The following DISP1 variants were observed in gnomAD, a reference collection of about 807,000 sequenced individuals.
DISP1 encodes protein dispatched homolog 1.
A neutral mutation model predicts 37.3 loss-of-function variants in DISP1; 30 were observed. The ratio of observed to expected loss-of-function variants is 0.80; its 90% CI spans 0.60 to 1.09. The LOEUF (loss-of-function observed/expected upper bound fraction) is 1.09. Ranked by LOEUF, DISP1 falls within the 50% of genes least tolerant of loss-of-function variation. The pLI, the probability that DISP1 is intolerant of heterozygous loss-of-function variation, is 0.00. For missense variants in DISP1, 1,598 were observed against 1,879.5 expected (o/e 0.85, Z 2.77); for synonymous variants, 634 against 690.2 (o/e 0.92, Z 1.28).
chr1:222,947,883 T>C (rs1184706314), intron 3 of DISP1, among the ~76,000 whole-genome samples: 1 of 152,180 alleles, frequency 6.6e-6, no homozygotes, highest in Non-Finnish European at 1.5e-5. Context: ...CTATAAGGCT[T>C]GTTGCAGTAG....
intron 1 of DISP1, among the ~76,000 whole-genome samples, chr1:222,819,000 T>TCTCA (rs1662011180): frequency 6.6e-6 from 1 of 152,184 alleles, no homozygotes; most frequent in Non-Finnish European, 1.5e-5. Flanking sequence ...TCATGTCGAA[T>TCTCA]TGTAATTCTC....
rs145022767 is a variant in DISP1, at chr1:222,941,069, C to T, written c.-17-1738C>T. On this transcript the variant is annotated intron_variant, in intron 2 of 8. Coordinates refer to ENST00000675850, the MANE Select transcript of DISP1 (RefSeq NM_001377229.1). ...ACAACAAAAGGGAGGTTATATTCTT[C>T]AGTAAACTGAAGCATAAATGAGCAG... Among the ~76,000 whole-genome samples, 622 of 152,258 alleles carry T rather than the reference C, an allele frequency of 4.1e-3. 13 individuals carry two copies. Among genetic ancestry groups the T allele is most frequent in the South Asian group, 0.017 (82 of 4,810 alleles).
intron 1 of DISP1, among the ~76,000 whole-genome samples, chr1:222,869,441 G>C (rs971196850): frequency 2.0e-5 from 3 of 152,118 alleles, no homozygotes; most frequent in Non-Finnish European, 2.9e-5. Flanking sequence ...ATTTAGGTGT[G>C]TGTGTTATAG....
chr1:222,829,487 C>T (rs891794953), intron 1 of DISP1, among the ~76,000 whole-genome samples: 2 of 151,784 alleles, frequency 1.3e-5, no homozygotes, highest in Non-Finnish European at 2.9e-5. Context: ...CTCTGTTGCC[C>T]AGGCTGGAGT....
In DISP1 at chr1:222,938,770, A is replaced by G. The variant is rs990076863; in HGVS notation, c.-17-4037A>G. On this transcript the variant is annotated intron_variant, in intron 2 of 8. Transcript: ENST00000675850. ...AAAAAAAAAAAAAAAAAAGGAAGGA[A>G]GGAAGGAAGGAAGGACGGGATGAAG... Among the ~76,000 whole-genome samples, 533 of 143,120 alleles carry G rather than the reference A, an allele frequency of 3.7e-3. 6 individuals are homozygous for G. Among genetic ancestry groups the G allele is most frequent in the Non-Finnish European group, 4.4e-3 (292 of 65,672 alleles). 93.9% of individuals were successfully genotyped at this position (143,120 alleles called of 152,430 possible). A position where few individuals can be genotyped will look rare whatever the true frequency, so the allele number is the denominator to read the frequency against.
chr1:222,871,628 C>T (rs1448456915), intron 1 of DISP1, among the ~76,000 whole-genome samples: 1 of 152,200 alleles, frequency 6.6e-6, no homozygotes, highest in African/African-American at 2.4e-5. Context: ...GATTTTTGCA[C>T]ATTGATTTTG....
chr1:222,819,538 CTT>C (rs762729584), intron 1 of DISP1, among the ~76,000 whole-genome samples: 70 of 118,268 alleles, frequency 5.9e-4, no homozygotes, highest in Non-Finnish European at 8.9e-4. Context: ...ACACACATAT[CTT>C]TTTTTTTTTT....
chr1:222,825,499 C>CA (rs1664119888), intron 1 of DISP1, among the ~76,000 whole-genome samples: 1 of 131,820 alleles, frequency 7.6e-6, no homozygotes. Context: ...ACCTGTTTCT[C>CA]TTTTTTTTTT....
chr1:222,832,290 T>C (rs1017683950), intron 1 of DISP1, among the ~76,000 whole-genome samples: 4 of 152,140 alleles, frequency 2.6e-5, no homozygotes, highest in Admixed American at 2.0e-4. Flanking sequence ...TTACTACTTG[T>C]TGGCTTAATG....
chr1:222,874,496 C>T (rs927603101), intron 1 of DISP1, among the ~76,000 whole-genome samples: 10 of 152,100 alleles, frequency 6.6e-5, no homozygotes, highest in African/African-American at 7.2e-5. Context: ...CTTCACACTT[C>T]GTTTCATTCA....
chr1:222,883,312 A>G (rs532938215), intron 1 of DISP1, among the ~76,000 whole-genome samples: 103 of 152,304 alleles, frequency 6.8e-4, no homozygotes, highest in Non-Finnish European at 3.1e-4. Context: ...ATTTTTTTCA[A>G]TGTCCACATT....
chr1:222,826,019 AC>A, intron 1 of DISP1, among the ~76,000 whole-genome samples: 1 of 152,236 alleles, frequency 6.6e-6, no homozygotes, highest in Middle Eastern at 3.4e-3. Context: ...CTCCTGCCTT[AC>A]CCTTCCAAGT....
chr1:222,978,836 T>C (rs560506002), intron 3 of DISP1, among the ~76,000 whole-genome samples: 3 of 152,210 alleles, frequency 2.0e-5, no homozygotes, highest in African/African-American at 4.8e-5. Context: ...GTTGTAGATA[T>C]GTGGCATTAT....
chr1:222,989,155 G>T (rs1558072601), intron 4 of DISP1, among the ~76,000 whole-genome samples: 1 of 151,990 alleles, frequency 6.6e-6, no homozygotes, highest in Admixed American at 6.6e-5. Flanking sequence ...CTTTTTTTCA[G>T]ACTGACATTT....
At chr1:222,849,530 T>G (rs141126272) in intron 1 of DISP1, among the ~76,000 whole-genome samples, 1 of 152,262 alleles carries the variant, frequency 6.6e-6, no homozygotes, top group Non-Finnish European at 1.5e-5. Context: ...AAGGCAGCTT[T>G]AACAAAACAG....
intron 3 of DISP1, among the ~76,000 whole-genome samples, chr1:222,945,554 A>G (rs1674709963): frequency 6.6e-6 from 1 of 152,238 alleles, no homozygotes; most frequent in Non-Finnish European, 1.5e-5. Flanking sequence ...TTGTGCCAAG[A>G]TTTTCAGGAT....
chr1:222,850,509 G>C (rs1388911335), intron 1 of DISP1, among the ~76,000 whole-genome samples: 3 of 151,790 alleles, frequency 2.0e-5, no homozygotes, highest in African/African-American at 7.3e-5. Context: ...ATGTATCATG[G>C]GGTTTTTTTG....
chr1:222,885,520 G>A (rs1020344348), intron 1 of DISP1, among the ~76,000 whole-genome samples: 9 of 150,738 alleles, frequency 6.0e-5, no homozygotes, highest in African/African-American at 9.8e-5. Context: ...CCAGGCTAGG[G>A]TGCAGTGGTG....
At chr1:222,905,185 A>G (rs770350847) in intron 1 of DISP1, among the ~76,000 whole-genome samples, 8 of 152,210 alleles carry the variant, frequency 5.3e-5, no homozygotes, top group Non-Finnish European at 1.0e-4. Flanking sequence ...TATTTTATAA[A>G]TAGTTAAATA....
Sources: gnomAD v4.1 joint callset for allele counts (sites outside exome capture counted in the v4.1 genomes callset) on GRCh38, gnomAD v4.1.1 for gene constraint, MANE v1.5 for transcripts, NCBI Gene and HGNC (gene_info 2026-07-23, HGNC 2026-07-21) for gene names.